The following THSD7A variants were observed in gnomAD, a reference collection of about 807,000 sequenced individuals.
THSD7A encodes thrombospondin type 1 domain containing 7A, also known as thrombospondin type-1 domain-containing protein 7A.
In THSD7A, 96 loss-of-function variants were observed where a neutral mutation model predicts 231.3. That is an observed-to-expected ratio of 0.41 (90% CI 0.35 to 0.49). The LOEUF (loss-of-function observed/expected upper bound fraction) is 0.49, where lower values mean the gene tolerates loss of function less well. Among genes scored for constraint, THSD7A ranks in the 20% least tolerant of loss-of-function variants. The pLI, the probability that THSD7A is intolerant of heterozygous loss-of-function variation, is 0.05. For missense variants in THSD7A, 2,290 were observed against 2,070.2 expected (o/e 1.11, Z -2.06); for synonymous variants, 940 against 743.3 (o/e 1.26, Z -4.30).
rs372193367 is a variant in THSD7A at position 11,481,927 on chromosome 7, G to C, written c.1878C>G (p.Ala626=). ...CRDAIFPIPV[A]CDAPCPKDCV... ...AGTCTTTCGGGCATGGGGCATCACA[G>C]GCCACAGGGATGGGGAAGATGGCAT... Residue 626 remains alanine, a synonymous_variant, in exon 7 of 28, where the codon GCC becomes GCG. Transcript: ENST00000423059. 6.2e-7 allele frequency: 1 copy of C among 1,613,566 alleles called. No individual in the cohort carries two copies. The highest frequency in any genetic ancestry group is 8.5e-7 in the Non-Finnish European group (1 of 1,179,694).
At chr7:11,472,662 A>T (rs1562637240) in intron 8 of THSD7A, among the ~76,000 whole-genome samples, 1 of 152,188 alleles carries the variant, frequency 6.6e-6, no homozygotes. Context: ...CTTCCCACTG[A>T]TTTAATGCTG....
At chr7:11,822,111 G>C (rs1156828586) in intron 1 of THSD7A, among the ~76,000 whole-genome samples, 1 of 152,114 alleles carries the variant, frequency 6.6e-6, no homozygotes, top group Non-Finnish European at 1.5e-5. Flanking sequence ...AGGTTGCATA[G>C]TGATCAAGTT....
intron 6 of THSD7A, among the ~76,000 whole-genome samples, chr7:11,485,348 T>C (rs757056132): frequency 1.3e-5 from 2 of 152,218 alleles, no homozygotes; most frequent in African/African-American, 2.4e-5. Context: ...CTGGACTTCA[T>C]ACCTAATAGC....
intron 1 of THSD7A, among the ~76,000 whole-genome samples, chr7:11,756,691 C>G (rs1782688436): frequency 6.6e-6 from 1 of 151,982 alleles, no homozygotes; most frequent in Non-Finnish European, 1.5e-5. Flanking sequence ...TTGCTTGTTT[C>G]TATCGGTTTA....
intron 6 of THSD7A, among the ~76,000 whole-genome samples, chr7:11,521,592 T>C (rs1310589904): frequency 1.4e-5 from 2 of 143,246 alleles, no homozygotes; most frequent in Admixed American, 1.4e-4. Flanking sequence ...CTGCACCCAC[T>C]AACGTGTCAG....
chr7:11,482,011 T>G, intron 6 of THSD7A, 29 bp from the exon 7 acceptor site: 2 of 1,551,304 alleles, frequency 1.3e-6, no homozygotes, highest in Non-Finnish European at 1.7e-6. Flanking sequence ...CCAACAGCTA[T>G]TATTGTTAAA....
chr7:11,781,513 C>G (rs540311598), intron 1 of THSD7A, among the ~76,000 whole-genome samples: 1 of 152,138 alleles, frequency 6.6e-6, no homozygotes. Flanking sequence ...ATTCTGAAAC[C>G]CCTACTTCGA....
intron 6 of THSD7A, among the ~76,000 whole-genome samples, 180 bp from the exon 7 acceptor site, chr7:11,482,162 A>C (rs991919670): frequency 1.3e-5 from 2 of 152,222 alleles, no homozygotes; most frequent in South Asian, 2.1e-4. Context: ...AGGAACAAGC[A>C]TATATACACA....
rs148524204 is a variant in THSD7A at position 11,515,430 on chromosome 7, G to C, written c.1822+25989C>G. ...CAGACAGCAAACCTACCTTTTGGCTGAAAGAAGACTCTGTAAATGCACAAG... is the reference window on the plus strand; with the variant it reads ...CAGACAGCAAACCTACCTTTTGGCTCAAAGAAGACTCTGTAAATGCACAAG... On this transcript the variant is annotated intron_variant, in intron 6 of 27. Transcript: ENST00000423059. Among the ~76,000 whole-genome samples, 1,045 of 152,172 alleles carry C rather than the reference G, an allele frequency of 6.9e-3. 10 individuals are homozygous for C. The highest frequency in any genetic ancestry group is 0.011 in the Non-Finnish European group (730 of 67,958).
intron 1 of THSD7A, among the ~76,000 whole-genome samples, chr7:11,718,331 T>C (rs912002439): frequency 6.6e-6 from 1 of 151,700 alleles, no homozygotes; most frequent in African/African-American, 2.4e-5. Flanking sequence ...CCTGTCTACA[T>C]AGATACATAT....
At chr7:11,582,799 T>C (rs1482822252) in intron 4 of THSD7A, among the ~76,000 whole-genome samples, 1 of 152,218 alleles carries the variant, frequency 6.6e-6, no homozygotes, top group Non-Finnish European at 1.5e-5. Flanking sequence ...AATAATGTTT[T>C]TCTTGTCTCT....
At chr7:11,540,469 C>T (rs1438208713) in intron 6 of THSD7A, among the ~76,000 whole-genome samples, 1 of 152,158 alleles carries the variant, frequency 6.6e-6, no homozygotes, top group Admixed American at 6.5e-5. Context: ...TGTTCCAGTA[C>T]CCCCAAGGGG....
intron 1 of THSD7A, among the ~76,000 whole-genome samples, chr7:11,706,349 G>T (rs1233064192): frequency 6.0e-5 from 9 of 150,836 alleles, no homozygotes; most frequent in African/African-American, 2.2e-4. Flanking sequence ...AAATGACTAT[G>T]TCAAGGAAAT....
chr7:11,610,653 A>G (rs1449443362), intron 2 of THSD7A, among the ~76,000 whole-genome samples: 1 of 152,136 alleles, frequency 6.6e-6, no homozygotes, highest in African/African-American at 2.4e-5. Flanking sequence ...AATTCTATTT[A>G]CTATTCTATA....
At chr7:11,482,090 T>C (rs776325437) in intron 6 of THSD7A, 108 bp from the exon 7 acceptor site, 1 of 1,268,548 alleles carries the variant, frequency 7.9e-7, no homozygotes, top group Non-Finnish European at 1.1e-6. Flanking sequence ...CTTTTGCTCT[T>C]ACTTAAAAAA....
chr7:11,669,862 T>C (rs1783304660), intron 1 of THSD7A, among the ~76,000 whole-genome samples: 1 of 151,832 alleles, frequency 6.6e-6, no homozygotes, highest in Admixed American at 6.6e-5. Context: ...TGAGATGGAG[T>C]TTCATCTTGG....
intron 4 of THSD7A, among the ~76,000 whole-genome samples, chr7:11,546,230 A>G (rs6954695): frequency 0.23 from 35,251 of 151,238 alleles, 4,324 homozygotes; most frequent in Middle Eastern, 0.36. Flanking sequence ...ACACACACAC[A>G]CGTGGACCCT....
At chr7:11,746,912 G>A (rs765486825) in intron 1 of THSD7A, among the ~76,000 whole-genome samples, 1 of 151,612 alleles carries the variant, frequency 6.6e-6, no homozygotes, top group Admixed American at 6.6e-5. Context: ...TTTTTTGAAA[G>A]ATAATATTGA....
intron 4 of THSD7A, among the ~76,000 whole-genome samples, chr7:11,587,560 T>C (rs1222090236): frequency 6.6e-6 from 1 of 152,224 alleles, no homozygotes; most frequent in Non-Finnish European, 1.5e-5. Context: ...TCTGATGATA[T>C]AATTCTACTG....
Sources: gnomAD v4.1 joint callset for allele counts (sites outside exome capture counted in the v4.1 genomes callset) on GRCh38, gnomAD v4.1.1 for gene constraint, MANE v1.5 for transcripts, NCBI Gene and HGNC (gene_info 2026-07-23, HGNC 2026-07-21) for gene names.